WDFY4: variants seen among roughly 807,000 people sequenced by gnomAD.
WDFY4 encodes the protein WD repeat- and FYVE domain-containing protein 4.
A neutral mutation model predicts 351.9 loss-of-function variants in WDFY4; 169 were observed. The observed-to-expected ratio is 0.48, with a 90% confidence interval of 0.42 to 0.55. The LOEUF is 0.55. Ranked by LOEUF, WDFY4 falls within the 20% of genes least tolerant of loss-of-function variation. The probability of loss-of-function intolerance (pLI) is 0.00; values close to 1 mark genes in which losing one functional copy is unlikely to be tolerated. For missense variants in WDFY4, 3,803 were observed against 3,935.6 expected, an observed-to-expected ratio of 0.97 and a Z score of 0.90; for synonymous variants, 1,622 against 1,574.6, an observed-to-expected ratio of 1.03 and a Z score of -0.71.
rs368995194 is a variant in WDFY4, at chr10:48,784,440, T to TCAC, written c.3577-2197_3577-2195dup. The stretch of plus-strand genomic sequence containing the variant: ...CCTTAGTGGCTAATGAGGTTGAACA[T>TCAC]CACCTTTTCATGTGCTTATTTGCCA... On this transcript the variant is annotated intron_variant, in intron 19 of 61. Transcript: ENST00000325239. Among the ~76,000 whole-genome samples the TCAC allele has an allele frequency of 1.4e-3, 216 of 151,424 alleles. 1 individual carries two copies. Among genetic ancestry groups the TCAC allele is most frequent in the African/African-American group, 4.8e-3 (200 of 41,382 alleles).
chr10:48,921,887 T>A (rs1012938497), intron 47 of WDFY4, among the ~76,000 whole-genome samples: 4 of 152,212 alleles, frequency 2.6e-5, no homozygotes, highest in African/African-American at 9.6e-5. Flanking sequence ...AATGGTATAG[T>A]CTCTTGGAAG....
intron 12 of WDFY4, among the ~76,000 whole-genome samples, chr10:48,757,031 G>T (rs2065358096): frequency 6.6e-6 from 1 of 152,026 alleles, no homozygotes; most frequent in African/African-American, 2.4e-5. Context: ...TAAATGTATG[G>T]TAGAATTTGC....
Position 48,914,300 on chromosome 10 carries a change from C to T in WDFY4, c.7586+12437C>T, listed in dbSNP as rs74684165. ...GGCACTGGGCTCCCCCACGTCATGA[C>T]GCTTTGCTCTTCAGTGGTTTAAAAA... is the stretch of plus-strand genomic sequence containing the variant. On this transcript the variant is annotated intron_variant, in intron 47 of 61. Transcript: ENST00000325239. 2.6e-3 allele frequency: 2,207 copies of T among 854,050 alleles called. 45 individuals carry two copies. In the African/African-American group the frequency reaches 0.033, roughly 13 times the overall value. 52.9% of individuals were successfully genotyped at this position (854,050 alleles called of 1,614,324 possible). A position where few individuals can be genotyped will look rare whatever the true frequency, so the allele number is the denominator to read the frequency against.
In WDFY4 at chr10:48,867,401, A is replaced by C. The variant is rs773395464; in HGVS notation, c.6741+59A>C. On this transcript the variant is annotated intron_variant, in intron 40 of 61. Coordinates refer to ENST00000325239, the MANE Select transcript of WDFY4 (RefSeq NM_001394531.1). ...CAAGCTGGAATCCACCTTGAACCTG[A>C]AAAATAATTGGAAGGGCCTTTGGTT... The C allele has an allele frequency of 2.4e-4, 288 of 1,191,466 alleles. 1 individual carries two copies. The highest frequency in any genetic ancestry group is 2.4e-4 in the Non-Finnish European group (212 of 883,516). 73.8% of individuals were successfully genotyped at this position (1,191,466 alleles called of 1,614,324 possible).
intron 47 of WDFY4, among the ~76,000 whole-genome samples, chr10:48,904,226 C>T (rs1837502573): frequency 6.6e-6 from 1 of 152,116 alleles, no homozygotes; most frequent in Admixed American, 6.5e-5. Context: ...TCCAGGGGAC[C>T]CGGGCAGCAG....
rs140989523 is a variant in WDFY4, at chr10:48,788,558, C to T, written c.3837C>T (p.Pro1279=). 34 of 1,552,088 alleles carry T rather than the reference C, an allele frequency of 2.2e-5. No homozygotes were observed. In the East Asian group the frequency reaches 8.3e-4, roughly 38 times the overall value. The change falls in exon 21 of 62, where the codon CCC becomes CCT. Residue 1279 remains proline, a synonymous_variant. Coordinates refer to ENST00000325239, the MANE Select transcript of WDFY4 (RefSeq NM_001394531.1). ...QGEDLDSEAT[P]FVAEERVSFG... Reference sequence around the variant, plus strand: ...AGGACCTGGACAGTGAAGCCACGCCCTTTGTTGCAGAAGAAAGAGTTTCTT... The same window carrying T: ...AGGACCTGGACAGTGAAGCCACGCCTTTTGTTGCAGAAGAAAGAGTTTCTT...
At chr10:48,691,967 TC>T (rs1026132398) in intron 1 of WDFY4, among the ~76,000 whole-genome samples, 3 of 152,184 alleles carry the variant, frequency 2.0e-5, no homozygotes, top group African/African-American at 7.2e-5. Context: ...AGCTGTTTGT[TC>T]CCAGAGTCTC....
rs774015826 is a variant in WDFY4, at chr10:48,733,466, A to G, written c.1583-465A>G. Among the ~76,000 whole-genome samples the G allele has an allele frequency of 6.6e-5, 10 of 152,194 alleles. No individual in the cohort carries two copies. In the South Asian group the frequency reaches 8.3e-4, roughly 13 times the overall value. On this transcript the variant is annotated intron_variant, in intron 9 of 61. Coordinates refer to ENST00000325239, the MANE Select transcript of WDFY4 (RefSeq NM_001394531.1). ...CCAGGTTCTCTTGAGCTTCCCCATG[A>G]CTCAGGAATGAGCAGGCAGTCATCC...
At chr10:48,914,317 G>T (rs1589871057) in intron 47 of WDFY4, 2 of 754,336 alleles carry the variant, frequency 2.7e-6, no homozygotes, top group East Asian at 2.7e-5. Context: ...CTCTTCAGTG[G>T]TTTAAAAAGC....
intron 3 of WDFY4, among the ~76,000 whole-genome samples, chr10:48,720,808 T>A (rs2064059639): frequency 6.6e-6 from 1 of 152,170 alleles, no homozygotes; most frequent in Non-Finnish European, 1.5e-5. Flanking sequence ...CTTCCCCTCA[T>A]GTGCGCTGGT....
intron 26 of WDFY4, 57 bp downstream of exon 26, chr10:48,805,478 G>T: frequency 6.6e-7 from 1 of 1,523,740 alleles, no homozygotes; most frequent in Non-Finnish European, 8.8e-7. Flanking sequence ...TTTAAAAAGG[G>T]AGGACAGACC....
chr10:48,745,731 G>C (rs147930009), intron 12 of WDFY4: 1 of 550,868 alleles, frequency 1.8e-6, no homozygotes, highest in African/African-American at 1.9e-5. Context: ...GGCGCCCCAC[G>C]TAGGCAAACT....
intron 13 of WDFY4, among the ~76,000 whole-genome samples, chr10:48,769,239 A>G (rs1312309910): frequency 2.0e-5 from 3 of 152,138 alleles, no homozygotes; most frequent in Admixed American, 6.5e-5. Context: ...CTAAACCACG[A>G]TCATAAACTC....
chr10:48,746,735 G>C (rs1447438609), intron 12 of WDFY4, among the ~76,000 whole-genome samples: 1 of 152,010 alleles, frequency 6.6e-6, no homozygotes, highest in Non-Finnish European at 1.5e-5. Flanking sequence ...AGTTGCCCTA[G>C]AGTGAATTAA....
At chr10:48,848,708 G>T (rs1393218654) in intron 39 of WDFY4, among the ~76,000 whole-genome samples, 1 of 152,146 alleles carries the variant, frequency 6.6e-6, no homozygotes, top group Admixed American at 6.5e-5. Flanking sequence ...TGATTTTGGC[G>T]GGCTGGTGGG....
chr10:48,763,194 C>A (rs1778433075), intron 13 of WDFY4, among the ~76,000 whole-genome samples: 1 of 152,208 alleles, frequency 6.6e-6, no homozygotes, highest in African/African-American at 2.4e-5. Flanking sequence ...ATCTTCACAG[C>A]AACCTTTTGA....
chr10:48,885,728 C>CTG (rs1232120521), intron 43 of WDFY4, among the ~76,000 whole-genome samples: 2 of 135,728 alleles, frequency 1.5e-5, no homozygotes, highest in African/African-American at 5.2e-5. Context: ...CTCTCTCTCT[C>CTG]TCTCTCTATA....
chr10:48,920,636 G>A (rs770279126), intron 47 of WDFY4, among the ~76,000 whole-genome samples: 5 of 152,174 alleles, frequency 3.3e-5, no homozygotes, highest in Non-Finnish European at 7.4e-5. Context: ...CACTATGTCT[G>A]TTCAGTATTA....
Position 48,872,636 on chromosome 10 carries a change from C to G in WDFY4, c.6742-855C>G, listed in dbSNP as rs1336913700. Among the ~76,000 whole-genome samples, 4 of 152,206 alleles carry G rather than the reference C, an allele frequency of 2.6e-5. No homozygotes were observed. The South Asian group carries it at 8.3e-4, about 32-fold the overall frequency. Reference sequence around the variant, plus strand: ...AAAAGTGTATCCTGCAAAGTTGACTCTACTGTGCAAACTGAACTGAACTGC... The same window carrying G: ...AAAAGTGTATCCTGCAAAGTTGACTGTACTGTGCAAACTGAACTGAACTGC... On this transcript the variant is annotated intron_variant, in intron 40 of 61. Coordinates refer to ENST00000325239, the MANE Select transcript of WDFY4 (RefSeq NM_001394531.1).
Sources: gnomAD v4.1 joint callset for allele counts (sites outside exome capture counted in the v4.1 genomes callset) on GRCh38, gnomAD v4.1.1 for gene constraint, MANE v1.5 for transcripts, NCBI Gene and HGNC (gene_info 2026-07-23, HGNC 2026-07-21) for gene names.